PRRC1: variants seen among roughly 807,000 people sequenced by gnomAD.
PRRC1 encodes protein PRRC1.
A neutral mutation model predicts 40.7 loss-of-function variants in PRRC1; 39 were observed. That is an observed-to-expected ratio of 0.96 (90% CI 0.74 to 1.25). The LOEUF (loss-of-function observed/expected upper bound fraction) is 1.25. Among genes scored for constraint, PRRC1 ranks in the 50% most tolerant of loss-of-function variants. The pLI, the probability that PRRC1 is intolerant of heterozygous loss-of-function variation, is 0.00. For synonymous variants in PRRC1, 175 were observed against 193.3 expected, an observed-to-expected ratio of 0.91 and a Z score of 0.79; for missense variants, 573 against 548.3, an observed-to-expected ratio of 1.05 and a Z score of -0.45.
At chr5:127,534,854 C>A (rs957945436) in intron 6 of PRRC1, among the ~76,000 whole-genome samples, 1 of 152,222 alleles carries the variant, frequency 6.6e-6, no homozygotes, top group African/African-American at 2.4e-5. Context: ...CTTCTTTCCT[C>A]CACACTTGCT....
chr5:127,523,506 A>G lies in PRRC1; in HGVS notation c.27A>G (p.Thr9=). 6.2e-7 allele frequency: 1 copy of G among 1,611,746 alleles called. No homozygotes were observed. The highest frequency in any genetic ancestry group is 8.5e-7 in the Non-Finnish European group (1 of 1,179,316). MMEESGIE[T]TPPGTPPPNP... is the part of the protein sequence containing the mutation. ...TGATGGAAGAGAGTGGAATAGAGAC[A>G]ACACCACCTGGGACTCCTCCACCAA... The change falls in exon 2 of 9, where the codon ACA becomes ACG. Residue 9 remains threonine (T), a synonymous_variant. Coordinates refer to ENST00000296666, the MANE Select transcript of PRRC1 (RefSeq NM_130809.5).
intron 7 of PRRC1, among the ~76,000 whole-genome samples, chr5:127,543,240 C>T (rs1165621174): frequency 2.0e-5 from 3 of 152,200 alleles, no homozygotes. Flanking sequence ...GCCGAGAGAT[C>T]TGCTGTTAGT....
chr5:127,541,816 A>C (rs1434425121), intron 7 of PRRC1, among the ~76,000 whole-genome samples: 1 of 151,830 alleles, frequency 6.6e-6, no homozygotes, highest in East Asian at 1.9e-4. Context: ...TGATCCTTTC[A>C]AAAAAACCAG....
chr5:127,545,779 T>C (rs1230166333), intron 7 of PRRC1, among the ~76,000 whole-genome samples: 5 of 150,498 alleles, frequency 3.3e-5, no homozygotes, highest in Non-Finnish European at 7.4e-5. Context: ...TAAAGTATAA[T>C]TTAAAAAAAA....
Position 127,528,506 on chromosome 5 carries a change from G to A in PRRC1, c.654+1728G>A, listed in dbSNP as rs200975151. On this transcript the variant is annotated intron_variant, in intron 4 of 8. Transcript: ENST00000296666. ...ATTTTTTTGTATTTTTAGTAGAGACGGGGGTTCACCATGTTGGCCAGGCTG... is the reference window on the plus strand; with the variant it reads ...ATTTTTTTGTATTTTTAGTAGAGACAGGGGTTCACCATGTTGGCCAGGCTG... 3.9e-5 allele frequency among the ~76,000 whole-genome samples: 6 copies of A among 152,020 alleles called. No homozygotes were observed. The East Asian group carries it at 7.7e-4, about 20-fold the overall frequency.
In PRRC1 at chr5:127,524,785, C is replaced by T. The variant is rs1274131900; in HGVS notation, c.358C>T (p.Leu120Phe). The T allele has an allele frequency of 3.1e-6, 5 of 1,614,088 alleles. No individual in the cohort carries two copies. Among genetic ancestry groups the T allele is most frequent in the East Asian group, 2.2e-5 (1 of 44,902 alleles). Residue 120 changes from leucine (L) to phenylalanine (F), a missense_variant, in exon 3 of 9, where the codon CTT becomes TTT. Transcript: ENST00000296666. ...FPPSTSAPNT[L>F]LPAPPSGPPI... The stretch of plus-strand genomic sequence containing the variant: ...ACCTTCAACTTCTGCCCCAAACACT[C>T]TTTTACCTGCACCCCCTTCGGGTCC...
intron 7 of PRRC1, among the ~76,000 whole-genome samples, chr5:127,545,874 C>T (rs945048702): frequency 2.0e-5 from 3 of 151,670 alleles, no homozygotes; most frequent in Admixed American, 6.6e-5. Context: ...TTTTCTCTGT[C>T]GTTTTATTTT....
At position 127,519,933 on chromosome 5, in the gene PRRC1, A is replaced by G. The variant is rs1359443488; in HGVS notation, c.-21+2157A>G. Among the ~76,000 whole-genome samples, 12 of 152,288 alleles carry G rather than the reference A, an allele frequency of 7.9e-5. 1 individual carries two copies. Among genetic ancestry groups the G allele is most frequent in the Non-Finnish European group, 2.9e-5 (2 of 68,034 alleles). On this transcript the variant is annotated intron_variant, in intron 1 of 8. Transcript: ENST00000296666. ...AGTGTTTCCTATCTTTGTGCATGGC[A>G]CCACCATCTATCTAGTTGTGCAAGT...
intron 2 of PRRC1, 124 bp from the exon 3 acceptor site, chr5:127,524,407 A>G (rs1767545713): frequency 2.3e-6 from 2 of 860,662 alleles, no homozygotes; most frequent in Admixed American, 4.8e-5. Context: ...CACATTTTAA[A>G]ATAATTCTTG....
At chr5:127,523,784 T>A (rs1767529317) in intron 2 of PRRC1, 1 of 403,812 alleles carries the variant, frequency 2.5e-6, no homozygotes, top group African/African-American at 2.0e-5. Flanking sequence ...TGTTTTGCTT[T>A]AGGTGGACTT....
chr5:127,519,914 T>G (rs1041900283), intron 1 of PRRC1, among the ~76,000 whole-genome samples: 7 of 152,172 alleles, frequency 4.6e-5, no homozygotes, highest in African/African-American at 1.7e-4. Context: ...CTGCAGTGTT[T>G]CCTATCTTTG....
chr5:127,546,749 G>T (rs1020716823), intron 7 of PRRC1, among the ~76,000 whole-genome samples: 1 of 152,104 alleles, frequency 6.6e-6, no homozygotes, highest in Non-Finnish European at 1.5e-5. Flanking sequence ...ATTATTGTCT[G>T]CAAATTATGC....
At chr5:127,537,779 T>G (rs1260603929) in intron 6 of PRRC1, among the ~76,000 whole-genome samples, 1 of 151,630 alleles carries the variant, frequency 6.6e-6, no homozygotes, top group African/African-American at 2.4e-5. Flanking sequence ...AAATCAAACT[T>G]TAGCCATAAC....
chr5:127,537,473 G>A (rs1767928445), intron 6 of PRRC1, among the ~76,000 whole-genome samples: 1 of 151,814 alleles, frequency 6.6e-6, no homozygotes, highest in African/African-American at 2.4e-5. Context: ...TTTTCTTATG[G>A]ATTTTATAAA....
Position 127,553,382 on chromosome 5 carries a change from T to C in PRRC1, c.*1466T>C, listed in dbSNP as rs987267560. The C allele has an allele frequency of 2.6e-5, 27 of 1,020,134 alleles. No homozygotes were observed. The highest frequency in any genetic ancestry group is 3.0e-5 in the Non-Finnish European group (26 of 853,644). 63.2% of individuals were successfully genotyped at this position (1,020,134 alleles called of 1,614,324 possible). A position where few individuals can be genotyped will look rare whatever the true frequency, so the allele number is the denominator to read the frequency against. On this transcript the variant is annotated 3_prime_UTR_variant, in exon 9 of 9. Coordinates refer to ENST00000296666, the MANE Select transcript of PRRC1 (RefSeq NM_130809.5). ...CACTGTATAATGACTGTTCAGTGAA[T>C]ATCAGACTTCCGTGTCATTAAAAGT...
At chr5:127,521,338 G>A (rs759513366) in intron 1 of PRRC1, among the ~76,000 whole-genome samples, 4 of 152,012 alleles carry the variant, frequency 2.6e-5, no homozygotes, top group Admixed American at 6.6e-5. Context: ...TTCTGTAACC[G>A]TCCTTCCCGC....
rs1768441051 is a variant in PRRC1, at chr5:127,553,337, A to T, written c.*1421A>T. 1 of 984,044 alleles carries T rather than the reference A, an allele frequency of 1.0e-6. No homozygotes were observed. Among genetic ancestry groups the T allele is most frequent in the Non-Finnish European group, 1.2e-6 (1 of 828,606 alleles). 61.0% of individuals were successfully genotyped at this position (984,044 alleles called of 1,614,324 possible). A position where few individuals can be genotyped will look rare whatever the true frequency, so the allele number is the denominator to read the frequency against. On this transcript the variant is annotated 3_prime_UTR_variant, in exon 9 of 9. Coordinates refer to ENST00000296666, the MANE Select transcript of PRRC1 (RefSeq NM_130809.5). ...GAATGAATATTAAATTTGAATATTA[A>T]ATATATGTTACTTTCCAAGCACTGT...
intron 7 of PRRC1, among the ~76,000 whole-genome samples, chr5:127,540,638 T>C (rs1334525652): frequency 6.6e-6 from 1 of 152,114 alleles, no homozygotes; most frequent in Admixed American, 6.6e-5. Flanking sequence ...GATGTAGAAG[T>C]CTAGGTTGGC....
At chr5:127,551,465 C>T in intron 8 of PRRC1, 1 of 459,674 alleles carries the variant, frequency 2.2e-6, no homozygotes, top group Non-Finnish European at 3.9e-6. Context: ...AACTAGAACT[C>T]AAACCTTCCG....
Sources: gnomAD v4.1 joint callset for allele counts (sites outside exome capture counted in the v4.1 genomes callset) on GRCh38, gnomAD v4.1.1 for gene constraint, MANE v1.5 for transcripts, NCBI Gene and HGNC (gene_info 2026-07-23, HGNC 2026-07-21) for gene names.